Variants in TDRD9 observed in about 807,000 individuals in gnomAD.
TDRD9 encodes the protein tudor domain containing 9.
Under a neutral mutation model 172.6 loss-of-function variants are expected in TDRD9, and 124 were observed. The ratio of observed to expected loss-of-function variants is 0.72; its 90% confidence interval spans 0.62 to 0.83. The LOEUF (loss-of-function observed/expected upper bound fraction) is 0.83. Among genes scored for constraint, TDRD9 ranks in the 40% least tolerant of loss-of-function variants. The pLI is 0.00. For missense variants in TDRD9, 1,479 were observed against 1,714.1 expected (o/e 0.86, Z 2.42); for synonymous variants, 619 against 617.1 (o/e 1.00, Z -0.05).
intron 11 of TDRD9, among the ~76,000 whole-genome samples, chr14:103,995,152 C>T (rs2034013094): frequency 6.6e-6 from 1 of 152,146 alleles, no homozygotes; most frequent in Admixed American, 6.5e-5. Context: ...TCTTCTTTAG[C>T]ATTTCTTTAA....
intron 8 of TDRD9, 117 bp from the exon 9 acceptor site, chr14:103,991,043 A>G (rs1595955469): frequency 8.5e-7 from 1 of 1,177,504 alleles, no homozygotes; most frequent in East Asian, 2.5e-5. Flanking sequence ...AAGGAACATT[A>G]CATTGGATGA....
chr14:104,004,188 A>T, intron 13 of TDRD9, 50 bp from the exon 14 acceptor site: 1 of 862,162 alleles, frequency 1.2e-6, no homozygotes, highest in African/African-American at 1.6e-5. Flanking sequence ...CTTCATGCTG[A>T]TGTTAAAGTA....
chr14:103,963,675 G>T (rs1348150052), intron 3 of TDRD9, among the ~76,000 whole-genome samples: 1 of 152,188 alleles, frequency 6.6e-6, no homozygotes, highest in Non-Finnish European at 1.5e-5. Context: ...GGACGATTAA[G>T]TTCCTAATTA....
chr14:103,952,222 T>TATATA (rs2031957762), intron 1 of TDRD9, among the ~76,000 whole-genome samples: 2 of 14,394 alleles, frequency 1.4e-4, no homozygotes, highest in Non-Finnish European at 2.5e-4. Context: ...ATATATATAT[T>TATATA]TTTTTTTTTT....
chr14:103,963,157 T>C lies in TDRD9; in HGVS notation c.401T>C (p.Ile134Thr), dbSNP rs1286055633. ...ACTTATAAATATCCTGATTTGCCTATAAGTCGATACAAGGAAGAGGTAAAA... is the reference window on the plus strand; with the variant it reads ...ACTTATAAATATCCTGATTTGCCTACAAGTCGATACAAGGAAGAGGTAAAA... Reference protein sequence around the residue: ...GTTYKYPDLPISRYKEEVVSL... With the variant: ...GTTYKYPDLPTSRYKEEVVSL... Residue 134 changes from isoleucine (I) to threonine (T), a missense_variant, in exon 3 of 36, where the codon ATA (isoleucine) becomes ACA (threonine). Around this residue, in one of 3 missense-constraint regions of TDRD9, gnomAD observed 1,413 missense variants for 1,649.1 expected, o/e 0.86. Transcript: ENST00000409874. The C allele has an allele frequency of 2.6e-6, 4 of 1,548,594 alleles. No individual in the cohort carries two copies. The highest frequency in any genetic ancestry group is 3.5e-6 in the Non-Finnish European group (4 of 1,145,234).
chr14:103,955,614 G>A (rs1454500667), intron 1 of TDRD9, 50 bp from the exon 2 acceptor site: 3 of 1,449,692 alleles, frequency 2.1e-6, no homozygotes, highest in Middle Eastern at 1.9e-4. Context: ...GTACACAAGG[G>A]TTTCTTGGCT....
At chr14:103,950,483 T>C (rs982771894) in intron 1 of TDRD9, among the ~76,000 whole-genome samples, 2 of 152,228 alleles carry the variant, frequency 1.3e-5, no homozygotes, top group Admixed American at 1.3e-4. Flanking sequence ...TTGTCAGTTA[T>C]TGTGCTGAGC....
intron 8 of TDRD9, among the ~76,000 whole-genome samples, chr14:103,987,487 C>T (rs79867033): frequency 0.045 from 6,853 of 152,074 alleles, 402 homozygotes; most frequent in African/African-American, 0.13. Flanking sequence ...TTTCTGATTT[C>T]CATTTTGATT....
chr14:103,944,199 C>T (rs1566728605), intron 1 of TDRD9, among the ~76,000 whole-genome samples: 1 of 152,156 alleles, frequency 6.6e-6, no homozygotes, highest in Non-Finnish European at 1.5e-5. Flanking sequence ...AGGCCCTCTA[C>T]AGTCTTACGT....
chr14:103,974,182 G>A (rs8009855), intron 6 of TDRD9, among the ~76,000 whole-genome samples: 143,756 of 152,266 alleles, frequency 0.94, 68,414 homozygotes, highest in East Asian at 1. Context: ...AGCCTGGGTG[G>A]TAGAGCCAGA....
intron 22 of TDRD9, among the ~76,000 whole-genome samples, chr14:104,016,330 G>A (rs1464294997): frequency 3.3e-5 from 5 of 152,088 alleles, no homozygotes; most frequent in South Asian, 2.1e-4. Flanking sequence ...GAGTTTATAC[G>A]TTCAAGGTCA....
At position 104,014,836 on chromosome 14, in the gene TDRD9, C is replaced by T. The variant is rs1337320139; in HGVS notation, c.2218C>T (p.Leu740=). 1.3e-6 allele frequency: 2 copies of T among 1,576,762 alleles called. No homozygotes were observed. Among genetic ancestry groups the T allele is most frequent in the Non-Finnish European group, 1.7e-6 (2 of 1,153,634 alleles). Residue 740 remains leucine (L), a synonymous_variant, in exon 21 of 36, where the codon CTA becomes TTA. Coordinates refer to ENST00000409874, the MANE Select transcript of TDRD9 (RefSeq NM_153046.3). The stretch of plus-strand genomic sequence containing the variant: ...GTATATATATAAGCAGCGATTCATC[C>T]TACAGGTGTGCTGAAGTTTCCTGGA... The part of the protein sequence containing the change: ...QEYIYKQRFI[L]QVVLAGAFYP...
At chr14:103,937,953 G>A (rs1223452148) in intron 1 of TDRD9, among the ~76,000 whole-genome samples, 2 of 151,938 alleles carry the variant, frequency 1.3e-5, no homozygotes, top group Non-Finnish European at 2.9e-5. Context: ...GGTGTCACAG[G>A]CAATTGGTTC....
At chr14:104,014,092 G>A (rs1595987016) in intron 20 of TDRD9, among the ~76,000 whole-genome samples, 1 of 151,998 alleles carries the variant, frequency 6.6e-6, no homozygotes, top group East Asian at 1.9e-4. Flanking sequence ...AGCTGGGCGT[G>A]GTGGTGGGTA....
chr14:103,956,003 G>A (rs2032174079), intron 2 of TDRD9, among the ~76,000 whole-genome samples: 3 of 143,570 alleles, frequency 2.1e-5, no homozygotes, highest in South Asian at 4.5e-4. Flanking sequence ...CCAGCTACTC[G>A]GGAGGCTGAG....
intron 13 of TDRD9, among the ~76,000 whole-genome samples, chr14:104,002,011 C>G (rs1032995950): frequency 6.6e-6 from 1 of 151,762 alleles, no homozygotes; most frequent in South Asian, 2.1e-4. Context: ...GTATCTTTGC[C>G]AGCACCACTG....
rs1407222809 is a variant in TDRD9 at position 104,018,110 on chromosome 14, T to C, written c.2350T>C (p.Tyr784His). The C allele has an allele frequency of 6.2e-7, 1 of 1,600,242 alleles. No individual in the cohort carries two copies. Residue 784 changes from tyrosine (Y) to histidine (H), a missense_variant, in exon 23 of 36, where the codon TAT becomes CAT. Tyr to His is a moderately conservative substitution (Grantham distance 83, BLOSUM62 2). Transcript: ENST00000409874. ...TTTACAGTTGAAACACATTCCTCCCTATGGATTTCTTTACTATAAACAACT... is the reference window on the plus strand; with the variant it reads ...TTTACAGTTGAAACACATTCCTCCCCATGGATTTCTTTACTATAAACAACT... ...TTVVLKHIPP[Y>H]GFLYYKQLQS...
Position 103,975,512 on chromosome 14 carries a change from G to T in TDRD9, c.970G>T (p.Glu324Ter). ...GGAAGGCAAGCCCCATTCAGTTGAA[G>T]AGTATTATCTTAATGATTTGGAGCA... ...EVEGKPHSVEEYYLNDLEHIH... is the reference protein window; with the variant it reads ...EVEGKPHSVE The change falls in exon 7 of 36, where the codon GAG becomes TAG. Residue 324 changes from glutamate to a stop codon, truncating the protein, a stop_gained. Coordinates refer to ENST00000409874, the MANE Select transcript of TDRD9 (RefSeq NM_153046.3). LOFTEE classifies it high-confidence loss of function. The T allele has an allele frequency of 1.2e-6, 2 of 1,612,710 alleles. No individual in the cohort carries two copies. Among genetic ancestry groups the T allele is most frequent in the African/African-American group, 1.3e-5 (1 of 75,044 alleles).
chr14:103,935,039 T>G lies in TDRD9; in HGVS notation c.215+6315T>G, dbSNP rs7147107. ...AGACCTGAATGCAGCGAAGACTGAT[T>G]TTCCCTGACCAAGAAGAAACTGTGT... is the stretch of plus-strand genomic sequence containing the variant. On this transcript the variant is annotated intron_variant, in intron 1 of 35. Transcript: ENST00000409874. 5.3e-5 allele frequency among the ~76,000 whole-genome samples: 8 copies of G among 152,046 alleles called. No individual in the cohort carries two copies. The South Asian group carries it at 1.7e-3, about 31-fold the overall frequency.
Sources: gnomAD v4.1 joint callset for allele counts (sites outside exome capture counted in the v4.1 genomes callset) on GRCh38, gnomAD v4.1.1 for gene constraint, gnomAD v4.1.1 regional missense constraint, MANE v1.5 for transcripts, NCBI Gene and HGNC (gene_info 2026-07-23, HGNC 2026-07-21) for gene names.